The following ZNF813 variants were observed in gnomAD, a reference collection of about 807,000 sequenced individuals.
The protein encoded by ZNF813 is zinc finger protein 813.
ZNF813 carries 3 observed loss-of-function variants against 7.2 expected under a neutral mutation model. The observed-to-expected ratio is 0.42, with a 90% CI of 0.19 to 1.08. The LOEUF is 1.08. Among genes scored for constraint, ZNF813 ranks in the 50% least tolerant of loss-of-function variants. The pLI, the probability that ZNF813 is intolerant of heterozygous loss-of-function variation, is 0.30. For synonymous variants in ZNF813, 227 were observed against 256.3 expected (o/e 0.89, Z 1.09); for missense variants, 714 against 753.3 (o/e 0.95, Z 0.61).
At chr19:53,468,806 C>T (rs1489522887) in intron 1 of ZNF813, among the ~76,000 whole-genome samples, 1 of 132,230 alleles carries the variant, frequency 7.6e-6, no homozygotes, top group South Asian at 2.8e-4. Flanking sequence ...TACACCTAGA[C>T]ATTCCATTCC....
At chr19:53,468,219 GCCC>G (rs34920971) in intron 1 of ZNF813, among the ~76,000 whole-genome samples, 22,178 of 53,118 alleles carry the variant, frequency 0.42, 4,144 homozygotes, top group Admixed American at 0.5. Flanking sequence ...GCGCCCTCGC[GCCC>G]CCCCCCCCCC....
chr19:53,478,816 C>T (rs2086393702), intron 1 of ZNF813, among the ~76,000 whole-genome samples: 1 of 151,036 alleles, frequency 6.6e-6, no homozygotes, highest in African/African-American at 2.4e-5. Context: ...AAATAAAAAA[C>T]AAAAGGGACA....
At chr19:53,479,248 G>T in intron 1 of ZNF813, 1 of 1,218,374 alleles carries the variant, frequency 8.2e-7, no homozygotes. Flanking sequence ...ATAAATCTTA[G>T]TTTTCAAAAT....
At chr19:53,488,354 A>G (rs2086443696) in intron 3 of ZNF813, 1 of 391,836 alleles carries the variant, frequency 2.6e-6, no homozygotes, top group Admixed American at 3.2e-5. Flanking sequence ...TTACTGGAGA[A>G]CTTTATATAT....
intron 1 of ZNF813, among the ~76,000 whole-genome samples, chr19:53,483,297 C>T (rs1346903060): frequency 6.6e-6 from 1 of 152,154 alleles, no homozygotes; most frequent in East Asian, 1.9e-4. Flanking sequence ...CCTCACACCT[C>T]AGCCTCCTAA....
rs1425148676 is a variant in ZNF813 at position 53,491,565 on chromosome 19, G to T, written c.1333G>T (p.Val445Phe). Reference sequence around the variant, plus strand: ...GAAACCCTACAAGTGTACTGAGTGTGTCAAGACGTTCAGTCGAAATTCAGC... The same window carrying T: ...GAAACCCTACAAGTGTACTGAGTGTTTCAAGACGTTCAGTCGAAATTCAGC... ...GEKPYKCTEC[V>F]KTFSRNSALV... is the part of the protein sequence containing the mutation. Residue 445 changes from valine to phenylalanine, a missense_variant, in exon 4 of 4, where the codon GTC becomes TTC. Val to Phe is a conservative substitution (Grantham distance 50). This residue lies in a region of ZNF813 where 563 missense variants were observed against 554.2 expected (regional missense o/e 1.02). Coordinates refer to ENST00000396403, the MANE Select transcript of ZNF813 (RefSeq NM_001004301.4). The T allele has an allele frequency of 6.2e-7, 1 of 1,613,436 alleles. No homozygotes were observed. The highest frequency in any genetic ancestry group is 1.7e-5 in the Admixed American group (1 of 59,976).
intron 1 of ZNF813, among the ~76,000 whole-genome samples, chr19:53,473,498 C>G (rs752070621): frequency 6.6e-6 from 1 of 152,252 alleles, no homozygotes; most frequent in East Asian, 1.9e-4. Flanking sequence ...GGCTGGTCCA[C>G]TTGCCCTGAG....
chr19:53,488,793 T>G (rs536433043), intron 3 of ZNF813, among the ~76,000 whole-genome samples: 5 of 152,146 alleles, frequency 3.3e-5, no homozygotes, highest in Admixed American at 3.3e-4. Context: ...GATCTTAACA[T>G]GTATTTCAGT....
At chr19:53,478,692 C>T (rs116535914) in intron 1 of ZNF813, among the ~76,000 whole-genome samples, 2,647 of 152,148 alleles carry the variant, frequency 0.017, 72 homozygotes, top group African/African-American at 0.056. Flanking sequence ...GCACAAGAAT[C>T]GCTTAAACCT....
intron 1 of ZNF813, among the ~76,000 whole-genome samples, chr19:53,468,124 G>C (rs1263279873): frequency 6.6e-6 from 1 of 152,124 alleles, no homozygotes; most frequent in East Asian, 1.9e-4. Flanking sequence ...TCGGCCGGTG[G>C]AGCGCAGAAC....
rs8109819 is a variant in ZNF813, at chr19:53,494,381, T to C, written c.*2295T>C. 0.27 allele frequency: 41,122 copies of C among 152,110 alleles called. 6,605 individuals are homozygous for C. Among genetic ancestry groups the C allele is most frequent in the African/African-American group, 0.46 (18,962 of 41,456 alleles). The allele number at this position is 152,110 out of a possible 1,614,324, so 9.4% of individuals were successfully genotyped here. A position where few individuals can be genotyped will look rare whatever the true frequency, so the allele number is the denominator to read the frequency against. ...TTTCTCTGCCGGGCGCAGTGGCTCA[T>C]GCCTGTAATCCCAACACTTTGGGAG... On this transcript the variant is annotated 3_prime_UTR_variant, in exon 4 of 4. Transcript: ENST00000396403.
chr19:53,486,603 A>C (rs756123870), intron 2 of ZNF813, 29 bp from the exon 3 acceptor site: 31 of 1,613,822 alleles, frequency 1.9e-5, no homozygotes, highest in South Asian at 1.5e-4. Flanking sequence ...CTCCCATAAC[A>C]ATTTCCTTAA....
At chr19:53,480,931 G>A (rs535710993) in intron 1 of ZNF813, among the ~76,000 whole-genome samples, 7 of 152,280 alleles carry the variant, frequency 4.6e-5, no homozygotes, top group African/African-American at 1.7e-4. Context: ...GGTCCAGGGG[G>A]CCAATGCTAG....
At chr19:53,486,779 G>C (rs760011471) in intron 3 of ZNF813, 21 bp downstream of exon 3, 1 of 1,613,722 alleles carries the variant, frequency 6.2e-7, no homozygotes, top group East Asian at 2.2e-5. Context: ...CTTCCCTCCA[G>C]AAGTGGGGAT....
chr19:53,486,636 T>C lies in ZNF813; in HGVS notation c.20T>C (p.Leu7Pro). 6.2e-7 allele frequency: 1 copy of C among 1,614,082 alleles called. No homozygotes were observed. The highest frequency in any genetic ancestry group is 8.5e-7 in the Non-Finnish European group (1 of 1,179,944). The change falls in exon 3 of 4, where the codon CTA becomes CCA. Residue 7 changes from leucine to proline, a missense_variant. Transcript: ENST00000396403. The part of the protein sequence containing the change: MALPQG[L>P]LTFRDVAIEF... ...TAAAATGTGTTTTCATTTCAGGGTC[T>C]ATTGACATTCAGGGATGTGGCCATA...
chr19:53,477,690 G>A (rs540915091), intron 1 of ZNF813, among the ~76,000 whole-genome samples: 11 of 151,916 alleles, frequency 7.2e-5, no homozygotes, highest in South Asian at 2.1e-4. Context: ...ATGTGATGGT[G>A]CACACCTGTA....
intron 3 of ZNF813, among the ~76,000 whole-genome samples, chr19:53,490,139 A>G (rs1345270769): frequency 6.6e-6 from 1 of 152,158 alleles, no homozygotes; most frequent in Non-Finnish European, 1.5e-5. Context: ...GCTTATACAC[A>G]TTTGTGCACT....
At position 53,467,890 on chromosome 19, in the gene ZNF813, G is replaced by A. The variant is rs181026484; in HGVS notation, c.-74+101G>A. On this transcript the variant is annotated intron_variant, in intron 1 of 3. Transcript: ENST00000396403. ...CCCACAAACCTGGAAATTCTCAGCC[G>A]TCTTCCTTCACCCAGAGCAAATTGA... The A allele has an allele frequency of 3.9e-3, 598 of 152,752 alleles. 5 individuals carry two copies. The highest frequency in any genetic ancestry group is 6.6e-3 in the Non-Finnish European group (453 of 68,316). The allele number at this position is 152,752 out of a possible 1,614,324, so 9.5% of individuals were successfully genotyped here. A position where few individuals can be genotyped will look rare whatever the true frequency, so the allele number is the denominator to read the frequency against.
intron 3 of ZNF813, among the ~76,000 whole-genome samples, chr19:53,487,493 C>T (rs1214474062): frequency 6.6e-6 from 1 of 152,130 alleles, no homozygotes; most frequent in Non-Finnish European, 1.5e-5. Context: ...GCAACTGGCT[C>T]TGCCTCTCCA....
Sources: gnomAD v4.1 joint callset for allele counts (sites outside exome capture counted in the v4.1 genomes callset) on GRCh38, gnomAD v4.1.1 for gene constraint, gnomAD v4.1.1 regional missense constraint, MANE v1.5 for transcripts, NCBI Gene and HGNC (gene_info 2026-07-23, HGNC 2026-07-21) for gene names.